The following TANC1 variants were observed in gnomAD, a reference collection of about 807,000 sequenced individuals.
The protein encoded by TANC1 is protein TANC1.
TANC1 carries 77 observed loss-of-function variants against 149.7 expected under a neutral mutation model. The observed-to-expected ratio is 0.51, with a 90% CI of 0.43 to 0.62. TANC1 has a LOEUF of 0.62. TANC1 is among the 20% of genes least tolerant of loss of function. The probability of loss-of-function intolerance (pLI) is 0.00; values close to 1 mark genes in which losing one functional copy is unlikely to be tolerated. For synonymous variants in TANC1, 854 were observed against 925.0 expected (o/e 0.92, Z 1.39); for missense variants, 1,985 against 2,321.8 (o/e 0.85, Z 2.98).
intron 2 of TANC1, among the ~76,000 whole-genome samples, chr2:159,006,697 A>G (rs1463666543): frequency 6.6e-6 from 1 of 152,200 alleles, no homozygotes; most frequent in Non-Finnish European, 1.5e-5. Context: ...GGTAATCTAG[A>G]AGAGGAGACC....
chr2:159,216,051 A>C (rs1234427437), intron 19 of TANC1, among the ~76,000 whole-genome samples: 1 of 152,136 alleles, frequency 6.6e-6, no homozygotes, highest in Non-Finnish European at 1.5e-5. Flanking sequence ...ACCTGTCTTC[A>C]ACTTACTCGT....
intron 19 of TANC1, among the ~76,000 whole-genome samples, chr2:159,211,596 T>C (rs1381715914): frequency 6.6e-6 from 1 of 152,204 alleles, no homozygotes; most frequent in Non-Finnish European, 1.5e-5. Context: ...ATGGTTCTGT[T>C]TGCTTAAGCA....
chr2:158,974,456 C>A (rs538864435), intron 1 of TANC1, among the ~76,000 whole-genome samples: 2 of 152,136 alleles, frequency 1.3e-5, no homozygotes, highest in East Asian at 3.8e-4. Flanking sequence ...TATTTCGAGA[C>A]AGAGTCTCAC....
At chr2:159,163,162 T>TA (rs1163553218) in intron 7 of TANC1, 121 bp from the exon 8 acceptor site, 2 of 994,666 alleles carry the variant, frequency 2.0e-6, no homozygotes, top group African/African-American at 3.3e-5. Flanking sequence ...CATACTTTGA[T>TA]AAAAATCTGT....
At chr2:159,016,343 C>G (rs114790726) in intron 2 of TANC1, among the ~76,000 whole-genome samples, 6,340 of 152,254 alleles carry the variant, frequency 0.042, 279 homozygotes, top group East Asian at 0.16. Flanking sequence ...TTATCTCCCA[C>G]TGAGTCTCTC....
chr2:159,143,073 AAAAAACAAC>A (rs1321252435), intron 5 of TANC1, among the ~76,000 whole-genome samples: 6 of 82,286 alleles, frequency 7.3e-5, no homozygotes, highest in African/African-American at 2.3e-4. Flanking sequence ...AAAAAAAAAA[AAAAAACAAC>A]AAAACAAAAC....
At chr2:159,087,881 G>A (rs2045101850) in intron 3 of TANC1, among the ~76,000 whole-genome samples, 1 of 148,310 alleles carries the variant, frequency 6.7e-6, no homozygotes, top group Admixed American at 6.8e-5. Flanking sequence ...TAGTATGACT[G>A]TTGTCCTTAG....
intron 19 of TANC1, among the ~76,000 whole-genome samples, chr2:159,206,275 T>TG (rs2058598100): frequency 6.6e-6 from 1 of 152,136 alleles, no homozygotes; most frequent in East Asian, 1.9e-4. Context: ...AGGATGTGTA[T>TG]GGGGGTCCTC....
At chr2:159,019,653 G>GTTTTTTTTTTTTTTTTTTTTT (rs55746240) in intron 2 of TANC1, among the ~76,000 whole-genome samples, 2 of 73,304 alleles carry the variant, frequency 2.7e-5, no homozygotes, top group Admixed American at 1.8e-4. Context: ...CTTTCTTTCT[G>GTTTTTTTTTTTTTTTTTTTTT]TTTTTTTTTT....
intron 3 of TANC1, among the ~76,000 whole-genome samples, chr2:159,092,524 A>G (rs1165358016): frequency 2.0e-5 from 3 of 152,330 alleles, no homozygotes; most frequent in East Asian, 3.9e-4. Context: ...ATTTCTGCCA[A>G]TTTAAAACGC....
At chr2:159,214,404 G>A (rs1030529346) in intron 19 of TANC1, among the ~76,000 whole-genome samples, 3 of 152,134 alleles carry the variant, frequency 2.0e-5, no homozygotes, top group South Asian at 2.1e-4. Context: ...CTTGTCTTGT[G>A]TTACATCCTG....
intron 2 of TANC1, among the ~76,000 whole-genome samples, chr2:159,026,124 G>A (rs2039321080): frequency 6.6e-6 from 1 of 152,136 alleles, no homozygotes; most frequent in African/African-American, 2.4e-5. Context: ...TAGAGATAGG[G>A]TGTTGCTGTT....
intron 2 of TANC1, among the ~76,000 whole-genome samples, chr2:159,018,023 A>G (rs2038449937): frequency 6.6e-6 from 1 of 152,196 alleles, no homozygotes; most frequent in Admixed American, 6.5e-5. Context: ...CTGTTATAGA[A>G]CAGGCGTGAA....
At chr2:158,971,978 A>G in intron 1 of TANC1, among the ~76,000 whole-genome samples, 1 of 152,192 alleles carries the variant, frequency 6.6e-6, no homozygotes, top group Non-Finnish European at 1.5e-5. Flanking sequence ...TTCTCACAAT[A>G]CATTTTTAGG....
At chr2:159,009,329 C>A (rs2037530897) in intron 2 of TANC1, among the ~76,000 whole-genome samples, 1 of 152,158 alleles carries the variant, frequency 6.6e-6, no homozygotes, top group African/African-American at 2.4e-5. Flanking sequence ...TATTGCAGCC[C>A]TGTTCGCAGT....
chr2:158,994,118 A>C (rs2035929630), intron 1 of TANC1, among the ~76,000 whole-genome samples: 1 of 152,176 alleles, frequency 6.6e-6, no homozygotes, highest in African/African-American at 2.4e-5. Context: ...TATAACTATC[A>C]ACGGATCCTA....
intron 4 of TANC1, among the ~76,000 whole-genome samples, chr2:159,129,561 T>G (rs1267401977): frequency 6.6e-6 from 1 of 152,116 alleles, no homozygotes; most frequent in Non-Finnish European, 1.5e-5. Context: ...GCTTGGGTTT[T>G]GTTTTGTTGT....
chr2:159,082,576 A>G (rs1490065825), intron 3 of TANC1, among the ~76,000 whole-genome samples: 1 of 151,926 alleles, frequency 6.6e-6, no homozygotes, highest in Non-Finnish European at 1.5e-5. Flanking sequence ...GGCAAACATG[A>G]CCCTCGCCTT....
At chr2:159,127,597 T>C (rs953913410) in intron 4 of TANC1, among the ~76,000 whole-genome samples, 3 of 152,212 alleles carry the variant, frequency 2.0e-5, no homozygotes, top group African/African-American at 4.8e-5. Context: ...GTAGTACATA[T>C]ACACCATAGA....
Sources: gnomAD v4.1 joint callset for allele counts (sites outside exome capture counted in the v4.1 genomes callset) on GRCh38, gnomAD v4.1.1 for gene constraint, MANE v1.5 for transcripts, NCBI Gene and HGNC (gene_info 2026-07-23, HGNC 2026-07-21) for gene names.